TUBGCP2: variants seen among roughly 807,000 people sequenced by gnomAD.
The protein encoded by TUBGCP2 is gamma-tubulin complex component 2.
In TUBGCP2, 55 loss-of-function variants were observed where a neutral mutation model predicts 92.2. The observed-to-expected ratio is 0.60, with a 90% confidence interval of 0.48 to 0.75. TUBGCP2 has a LOEUF of 0.75. TUBGCP2 is among the 30% of genes least tolerant of loss of function. The probability of loss-of-function intolerance (pLI) is 0.00; values close to 1 mark genes in which losing one functional copy is unlikely to be tolerated. For synonymous variants in TUBGCP2, 533 were observed against 505.2 expected (o/e 1.06, Z -0.74); for missense variants, 1,093 against 1,188.9 (o/e 0.92, Z 1.19).
chr10:133,287,333 C>A (rs1219966073), intron 11 of TUBGCP2, among the ~76,000 whole-genome samples: 1 of 152,204 alleles, frequency 6.6e-6, no homozygotes. Flanking sequence ...AGAATCAACA[C>A]CCTCCTGGGG....
At chr10:133,293,483 G>A (rs901712530) in intron 6 of TUBGCP2, 79 bp downstream of exon 6, 61 of 1,466,196 alleles carry the variant, frequency 4.2e-5, no homozygotes, top group Middle Eastern at 2.2e-4. Flanking sequence ...CGATGCAGAC[G>A]TCCCCATGGT....
chr10:133,297,944 T>C lies in TUBGCP2; in HGVS notation c.616+8A>G, dbSNP rs1053960544. On this transcript the variant is annotated splice_region_variant and intron_variant, in intron 5 of 17. Coordinates refer to ENST00000252936, the MANE Select transcript of TUBGCP2 (RefSeq NM_006659.4). ...TCGGCAGAGCCCGGAAATCAACGCA[T>C]CACGTACCTATCGGCAAAGCGGTGT... 8.7e-6 allele frequency: 14 copies of C among 1,612,490 alleles called. No individual in the cohort carries two copies. The highest frequency in any genetic ancestry group is 1.9e-4 in the Middle Eastern group (1 of 5,310).
chr10:133,300,242 G>A (rs1847610197), intron 2 of TUBGCP2, 129 bp from the exon 3 acceptor site: 1 of 1,114,954 alleles, frequency 9.0e-7, no homozygotes, highest in African/African-American at 1.6e-5. Flanking sequence ...TTATCCCTCT[G>A]AAATAAACTA....
Position 133,292,496 on chromosome 10 carries a change from T to G in TUBGCP2, c.1214+3A>C, listed in dbSNP as rs1284494394. On this transcript the variant is annotated splice_donor_region_variant and intron_variant, in intron 8 of 17. Transcript: ENST00000252936. ...CGTGTCCCCGTGTCCCGGGGAGCCC[T>G]ACCTGTATGGGTCGTGGATGATGCC... 1 of 1,610,788 alleles carries G rather than the reference T, an allele frequency of 6.2e-7. No homozygotes were observed. The highest frequency in any genetic ancestry group is 1.3e-5 in the African/African-American group (1 of 74,198).
chr10:133,308,155 T>C (rs933227548), intron 1 of TUBGCP2, among the ~76,000 whole-genome samples: 4 of 152,218 alleles, frequency 2.6e-5, no homozygotes, highest in Non-Finnish European at 4.4e-5. Context: ...GCAGTAGATC[T>C]GAAGCGTCCA....
chr10:133,309,868 A>G (rs1287844598), upstream of TUBGCP2: 6 of 1,613,770 alleles, frequency 3.7e-6, no homozygotes, highest in Admixed American at 5.0e-5. Flanking sequence ...CTGCACGGAA[A>G]TGTTTGCTCC....
chr10:133,279,953 G>A (rs761174245), intron 17 of TUBGCP2, 52 bp from the exon 18 acceptor site: 1 of 1,584,796 alleles, frequency 6.3e-7, no homozygotes, highest in South Asian at 1.1e-5. Flanking sequence ...GCGGGTGCAT[G>A]CTGGGCAGCA....
chr10:133,296,142 G>A (rs1297218096), intron 5 of TUBGCP2, among the ~76,000 whole-genome samples: 4 of 152,188 alleles, frequency 2.6e-5, no homozygotes, highest in African/African-American at 9.7e-5. Flanking sequence ...TCACCGCCAC[G>A]CTCAGAGCTG....
At chr10:133,310,100 T>A (rs1223251135), upstream of TUBGCP2, 3 of 1,611,586 alleles carry the variant, frequency 1.9e-6, no homozygotes, top group Non-Finnish European at 2.5e-6. Context: ...GCAGCTCTGC[T>A]ACGGGGGCAT....
At chr10:133,292,766 T>A in intron 7 of TUBGCP2, 78 bp from the exon 8 acceptor site, 1 of 1,489,166 alleles carries the variant, frequency 6.7e-7, no homozygotes, top group African/African-American at 1.4e-5. Context: ...CTGGGGCCCC[T>A]CATGCTTCTC....
At chr10:133,280,939 G>C (rs1846954813) in intron 17 of TUBGCP2, among the ~76,000 whole-genome samples, 1 of 150,458 alleles carries the variant, frequency 6.6e-6, no homozygotes, top group African/African-American at 2.4e-5. Flanking sequence ...GCTGAGCCGG[G>C]ACAGCACTGG....
At chr10:133,310,568 A>G (rs558938413), upstream of TUBGCP2, 44 of 462,514 alleles carry the variant, frequency 9.5e-5, no homozygotes, top group African/African-American at 6.7e-4. Context: ...GCGCCTCCGC[A>G]CTCACACCCC....
intron 1 of TUBGCP2, among the ~76,000 whole-genome samples, chr10:133,306,701 T>A (rs896387834): frequency 6.6e-6 from 1 of 152,002 alleles, no homozygotes; most frequent in Non-Finnish European, 1.5e-5. Flanking sequence ...GGCAGGAGAA[T>A]GGCATGAACC....
At position 133,283,753 on chromosome 10, in the gene TUBGCP2, G is replaced by C. The variant is rs952919045; in HGVS notation, c.2145+129C>G. 41 of 1,389,390 alleles carry C rather than the reference G, an allele frequency of 3.0e-5. No individual in the cohort carries two copies. The African/African-American group carries it at 3.4e-4, about 11-fold the overall frequency. 86.1% of individuals were successfully genotyped at this position (1,389,390 alleles called of 1,614,324 possible). On this transcript the variant is annotated intron_variant, in intron 14 of 17. Transcript: ENST00000252936. ...TCCCTGCCTCTCCTGCACTCCCTGC[G>C]TCTCCCTGCATTCCCTGCCTCTCCT...
chr10:133,305,445 G>C (rs530485497), intron 1 of TUBGCP2, among the ~76,000 whole-genome samples: 1 of 151,926 alleles, frequency 6.6e-6, no homozygotes, highest in Non-Finnish European at 1.5e-5. Flanking sequence ...CCAGGCATTC[G>C]GGGCCACTAC....
Position 133,285,605 on chromosome 10 carries a change from G to A in TUBGCP2, c.1746C>T (p.Leu582=). The A allele has an allele frequency of 6.6e-7, 1 of 1,523,924 alleles. No individual in the cohort carries two copies. The highest frequency in any genetic ancestry group is 1.3e-5 in the South Asian group (1 of 76,424). The allele number at this position is 1,523,924 out of a possible 1,614,324, so 94.4% of individuals were successfully genotyped here. ...DLKIDLMPHD[L]ITQLLRVLAI... ...CCAGGACGCGCAAGAGCTGAGTGAT[G>A]AGGTCATGGGGCATCAGGTCGATCT... Residue 582 remains leucine (L), a synonymous_variant, in exon 12 of 18, where the codon CTC becomes CTT. Transcript: ENST00000252936. The surrounding 1 kb of genome is among the most constrained non-coding windows in gnomAD (Gnocchi z 6.8).
At position 133,292,671 on chromosome 10, in the gene TUBGCP2, C is replaced by T; in HGVS notation, c.1042G>A (p.Gly348Ser). The change falls in exon 8 of 18, where the codon GGC becomes AGC. Residue 348 changes from glycine (G) to serine (S), a missense_variant. Gly to Ser is a moderately conservative substitution (Grantham distance 56). Coordinates refer to ENST00000252936, the MANE Select transcript of TUBGCP2 (RefSeq NM_006659.4). ...LASLATSVDK[G>S]ECLGGSTLSL... Reference sequence around the variant, plus strand: ...AGCGTGGACCCCCCAAGACATTCGCCTTTGTCCACCGAGGTGGCTGTGGGG... The same window carrying T: ...AGCGTGGACCCCCCAAGACATTCGCTTTTGTCCACCGAGGTGGCTGTGGGG... The T allele has an allele frequency of 6.2e-7, 1 of 1,613,676 alleles. No homozygotes were observed. The highest frequency in any genetic ancestry group is 2.2e-5 in the East Asian group (1 of 44,858).
intron 15 of TUBGCP2, among the ~76,000 whole-genome samples, chr10:133,282,620 C>G (rs1209185369): frequency 3.3e-5 from 5 of 152,200 alleles, no homozygotes; most frequent in African/African-American, 1.2e-4. Context: ...CCTCCACCTC[C>G]CCACTCGCCC....
At position 133,288,016 on chromosome 10, in the gene TUBGCP2, C is replaced by T. The variant is rs553939854; in HGVS notation, c.1722+113G>A. The T allele has an allele frequency of 3.3e-4, 448 of 1,354,518 alleles. 1 individual carries two copies. The Admixed American group carries it at 4.2e-3, about 13-fold the overall frequency. 83.9% of individuals were successfully genotyped at this position (1,354,518 alleles called of 1,614,324 possible). On this transcript the variant is annotated intron_variant, in intron 11 of 17. Transcript: ENST00000252936. ...AGCCAAGTGAAGGAAACAGACCCTG[C>T]GGTCGCCTCACCGGGACGGGGAGTG...
Sources: gnomAD v4.1 joint callset for allele counts (sites outside exome capture counted in the v4.1 genomes callset) on GRCh38, gnomAD v4.1.1 for gene constraint, Gnocchi (gnomAD v3.1) non-coding constraint, MANE v1.5 for transcripts, NCBI Gene and HGNC (gene_info 2026-07-23, HGNC 2026-07-21) for gene names.